The following GTF2IRD2 variants were observed in gnomAD, a reference collection of about 807,000 sequenced individuals.
The protein encoded by GTF2IRD2 is GTF2I repeat domain containing 2.
Under a neutral mutation model 49.2 loss-of-function variants are expected in GTF2IRD2, and 8 were observed. That is an observed-to-expected ratio of 0.16 (90% confidence interval 0.10 to 0.29). GTF2IRD2 has a LOEUF of 0.29. Ranked by LOEUF, GTF2IRD2 falls within the 10% of genes least tolerant of loss-of-function variation. The probability of loss-of-function intolerance (pLI) is 1.00; values close to 1 mark genes in which losing one functional copy is unlikely to be tolerated. For synonymous variants in GTF2IRD2, 47 were observed against 289.7 expected, an observed-to-expected ratio of 0.16 and a Z score of 8.51; for missense variants, 130 against 725.7, an observed-to-expected ratio of 0.18 and a Z score of 9.43.
At chr7:74,836,733 T>C (rs1254474313) in intron 1 of GTF2IRD2, among the ~76,000 whole-genome samples, 3 of 152,160 alleles carry the variant, frequency 2.0e-5, no homozygotes, top group African/African-American at 4.8e-5. Context: ...GCCTGGCTGA[T>C]TTTTGTATTT....
intron 9 of GTF2IRD2, 131 bp downstream of exon 9, chr7:74,812,608 C>T (rs1798231900): frequency 4.2e-6 from 1 of 239,538 alleles, no homozygotes; most frequent in African/African-American, 2.1e-5. Flanking sequence ...GGATTATTTA[C>T]TCTAAATGGC....
Position 74,800,337 on chromosome 7 carries a change from C to T in GTF2IRD2, c.1246+1648G>A, listed in dbSNP as rs1181522350. The stretch of plus-strand genomic sequence containing the variant: ...AAGTGATTTTCCTGCCTCAGCCTCC[C>T]GAGTAGCTGGGATTATAGGCACGCG... On this transcript the variant is annotated intron_variant, in intron 15 of 15. Coordinates refer to ENST00000451013, the MANE Select transcript of GTF2IRD2 (RefSeq NM_173537.5). 7.3e-4 allele frequency among the ~76,000 whole-genome samples: 103 copies of T among 141,104 alleles called. 1 individual carries two copies. In the East Asian group the frequency reaches 0.021, roughly 29 times the overall value. 92.6% of individuals were successfully genotyped at this position (141,104 alleles called of 152,430 possible).
chr7:74,836,859 C>A (rs1399711408), intron 1 of GTF2IRD2, among the ~76,000 whole-genome samples: 1 of 145,776 alleles, frequency 6.9e-6, no homozygotes, highest in Non-Finnish European at 1.5e-5. Context: ...AGCCACCACA[C>A]CCAACCCTGC....
intron 6 of GTF2IRD2, chr7:74,820,283 CTGGG>C: frequency 3.5e-6 from 1 of 288,106 alleles, no homozygotes; most frequent in Non-Finnish European, 6.1e-6. Flanking sequence ...AGCTCACCAG[CTGGG>C]CTGCCTCCAG....
intron 1 of GTF2IRD2, among the ~76,000 whole-genome samples, chr7:74,845,322 C>G (rs587753813): frequency 1.3e-5 from 2 of 152,398 alleles, no homozygotes; most frequent in Non-Finnish European, 2.9e-5. Context: ...CAGGGTCTCA[C>G]TCCGTCACCC....
intron 4 of GTF2IRD2, among the ~76,000 whole-genome samples, chr7:74,823,179 G>GT (rs1239366851): frequency 2.1e-5 from 1 of 48,344 alleles, no homozygotes; most frequent in African/African-American, 1.0e-4. Flanking sequence ...GCCCAGCCTA[G>GT]TTTTTTTTGT....
At chr7:74,826,913 T>C (rs1799451514) in intron 3 of GTF2IRD2, among the ~76,000 whole-genome samples, 2 of 151,678 alleles carry the variant, frequency 1.3e-5, no homozygotes, top group African/African-American at 4.8e-5. Context: ...GGTTTCGCCA[T>C]GTTGGCCAGG....
intron 12 of GTF2IRD2, among the ~76,000 whole-genome samples, chr7:74,806,587 G>A (rs1797784083): frequency 6.6e-6 from 1 of 152,062 alleles, no homozygotes; most frequent in Non-Finnish European, 1.5e-5. Flanking sequence ...TGGGATTACA[G>A]GCGTAAGCCA....
At position 74,840,902 on chromosome 7, in the gene GTF2IRD2, C is replaced by T. The variant is rs1205615604; in HGVS notation, c.-5-4519G>A. On this transcript the variant is annotated intron_variant, in intron 1 of 15. Transcript: ENST00000451013. ...TTACTCTGTCACCCAGGCTGGAGTG[C>T]AGTGGTGCGATCTCGGCTCACTGCA... is the stretch of plus-strand genomic sequence containing the variant. Among the ~76,000 whole-genome samples the T allele has an allele frequency of 1.7e-5, 2 of 115,600 alleles. 1 individual carries two copies. The highest frequency in any genetic ancestry group is 1.8e-4 in the Admixed American group (2 of 11,378). 75.8% of individuals were successfully genotyped at this position (115,600 alleles called of 152,430 possible).
chr7:74,835,934 G>A (rs1438712061), intron 2 of GTF2IRD2, among the ~76,000 whole-genome samples: 2 of 124,002 alleles, frequency 1.6e-5, no homozygotes, highest in South Asian at 2.4e-4. Flanking sequence ...GCAGTGAGCC[G>A]ACATCATGCC....
chr7:74,827,097 C>T (rs1198938951), intron 3 of GTF2IRD2, among the ~76,000 whole-genome samples: 383 of 149,974 alleles, frequency 2.6e-3, no homozygotes, highest in African/African-American at 8.8e-3. Context: ...GGATGCTTAG[C>T]TTGATTTGCA....
chr7:74,842,197 C>T (rs1459166673), intron 1 of GTF2IRD2, among the ~76,000 whole-genome samples: 21 of 127,116 alleles, frequency 1.7e-4, no homozygotes, highest in Admixed American at 4.8e-4. Context: ...TTTCAAGAAA[C>T]CACTGAACAG....
intron 8 of GTF2IRD2, chr7:74,818,887 A>C (rs1554418318): frequency 6.6e-6 from 1 of 151,442 alleles, no homozygotes; most frequent in Admixed American, 6.6e-5. Context: ...AACCTGCTAG[A>C]TACTTGGTTC....
chr7:74,815,797 GGAAAGAAAGAAAGAAAGAAA>G, intron 8 of GTF2IRD2, among the ~76,000 whole-genome samples: 1 of 45,914 alleles, frequency 2.2e-5, no homozygotes, highest in African/African-American at 9.6e-5. Flanking sequence ...AAAGAAAGAA[GGAAAGAAAGAAAGAAAGAAA>G]GAAAGAAAGA....
At chr7:74,798,480 T>C (rs1797201148) in intron 15 of GTF2IRD2, among the ~76,000 whole-genome samples, 1 of 151,738 alleles carries the variant, frequency 6.6e-6, no homozygotes, top group African/African-American at 2.4e-5. Flanking sequence ...GATCTTCAAG[T>C]TTTCTAAAGA....
At chr7:74,798,813 C>T (rs1209833890) in intron 15 of GTF2IRD2, among the ~76,000 whole-genome samples, 1 of 141,966 alleles carries the variant, frequency 7.0e-6, no homozygotes, top group African/African-American at 2.6e-5. Context: ...CCAGCCAGAT[C>T]TTCAGGTTTT....
chr7:74,841,571 C>T (rs1554421875), intron 1 of GTF2IRD2, among the ~76,000 whole-genome samples: 1 of 139,530 alleles, frequency 7.2e-6, no homozygotes, highest in Non-Finnish European at 1.5e-5. Flanking sequence ...GGACTCAAGC[C>T]ATCCTTCCCC....
chr7:74,800,288 C>A (rs1390801568), intron 15 of GTF2IRD2, among the ~76,000 whole-genome samples: 6 of 142,224 alleles, frequency 4.2e-5, no homozygotes, highest in Admixed American at 2.1e-4. Context: ...TCTCGGCTCA[C>A]TGCAACCCCC....
intron 1 of GTF2IRD2, among the ~76,000 whole-genome samples, chr7:74,844,324 C>T (rs1801074052): frequency 8.4e-6 from 1 of 119,066 alleles, no homozygotes; most frequent in South Asian, 2.9e-4. Flanking sequence ...AATTCTTTTA[C>T]CTGATGTAAA....
Sources: gnomAD v4.1 joint callset for allele counts (sites outside exome capture counted in the v4.1 genomes callset) on GRCh38, gnomAD v4.1.1 for gene constraint, MANE v1.5 for transcripts, NCBI Gene and HGNC (gene_info 2026-07-23, HGNC 2026-07-21) for gene names.